ANK2: variants seen among roughly 807,000 people sequenced by gnomAD.
ANK2 encodes the protein ankyrin 2.
ANK2 carries 83 observed loss-of-function variants against 360.5 expected under a neutral mutation model. That is an observed-to-expected ratio of 0.23 (90% CI 0.19 to 0.28). The LOEUF is 0.28. Ranked by LOEUF, ANK2 falls within the 10% of genes least tolerant of loss-of-function variation. ANK2 has a pLI of 1.00. For missense variants in ANK2, 4,201 were observed against 4,795.7 expected (o/e 0.88, Z 3.66); for synonymous variants, 1,740 against 1,759.5 (o/e 0.99, Z 0.28).
intron 1 of ANK2, among the ~76,000 whole-genome samples, chr4:112,856,226 C>T (rs558035867): frequency 6.6e-6 from 1 of 152,242 alleles, no homozygotes; most frequent in South Asian, 2.1e-4. Context: ...CGTGAAAGTA[C>T]AGCAATTTAT....
In ANK2 at chr4:113,358,162, C is replaced by T. The variant is rs149382018; in HGVS notation, c.9544C>T (p.Leu3182Phe). The T allele has an allele frequency of 1.2e-6, 2 of 1,613,942 alleles. No individual in the cohort carries two copies. The highest frequency in any genetic ancestry group is 1.7e-6 in the Non-Finnish European group (2 of 1,179,960). Residue 3182 changes from leucine (L) to phenylalanine (F), a missense_variant, in exon 38 of 46, where the codon CTT (leucine) becomes TTT (phenylalanine). Physicochemically the swap from Leu to Phe is conservative, Grantham distance 22. Coordinates refer to ENST00000357077, the MANE Select transcript of ANK2 (RefSeq NM_001148.6). Reference protein sequence around the residue: ...KETVDDEADLLPDDVSEEVEE... With the variant: ...KETVDDEADLFPDDVSEEVEE... ...AACAGTGGATGATGAGGCAGACTTACTTCCAGATGACGTGAGTGAGGAAGT... is the reference window on the plus strand; with the variant it reads ...AACAGTGGATGATGAGGCAGACTTATTTCCAGATGACGTGAGTGAGGAAGT...
chr4:112,760,373 A>G, the ANK2 span, among the ~76,000 whole-genome samples: 3 of 151,560 alleles, frequency 2.0e-5, no homozygotes, highest in Non-Finnish European at 2.9e-5. Context: ...ATTTTTAGTA[A>G]AGACAGGGTT....
intron 23 of ANK2, among the ~76,000 whole-genome samples, chr4:113,308,725 G>A (rs1393738850): frequency 6.6e-6 from 1 of 152,188 alleles, no homozygotes; most frequent in Admixed American, 6.5e-5. Context: ...GTGAAATAAA[G>A]AAGGTCTAAG....
At chr4:112,819,470 G>A (rs1424337962) in intron 1 of ANK2, among the ~76,000 whole-genome samples, 4 of 152,138 alleles carry the variant, frequency 2.6e-5, no homozygotes, top group Admixed American at 6.5e-5. Flanking sequence ...AAACTTTTGG[G>A]TGAGAAAGAT....
At chr4:112,939,972 T>C (rs1014320611) in intron 2 of ANK2, among the ~76,000 whole-genome samples, 1 of 152,260 alleles carries the variant, frequency 6.6e-6, no homozygotes, top group Non-Finnish European at 1.5e-5. Flanking sequence ...TACCATTTGG[T>C]ATCCCTTTGA....
chr4:113,274,302 A>G, intron 14 of ANK2, 150 bp from the exon 15 acceptor site: 1 of 892,150 alleles, frequency 1.1e-6, no homozygotes, highest in Admixed American at 2.0e-5. Context: ...AGCAAAATAT[A>G]AAATATGCCA....
At chr4:112,939,426 C>T (rs1208234942) in intron 2 of ANK2, among the ~76,000 whole-genome samples, 3 of 152,262 alleles carry the variant, frequency 2.0e-5, no homozygotes, top group Non-Finnish European at 4.4e-5. Context: ...TCTCCTGTCT[C>T]AGCCTCCCAA....
At chr4:113,075,587 T>G (rs138117020) in intron 1 of ANK2, among the ~76,000 whole-genome samples, 193 of 152,304 alleles carry the variant, frequency 1.3e-3, no homozygotes, top group African/African-American at 4.5e-3. Context: ...GGGAAACTCA[T>G]AGATTCCAGA....
intron 45 of ANK2, among the ~76,000 whole-genome samples, chr4:113,380,215 T>C (rs1444830859): frequency 6.6e-6 from 1 of 152,122 alleles, no homozygotes; most frequent in Non-Finnish European, 1.5e-5. Flanking sequence ...CCATTTTTTA[T>C]TCCTTTGCTT....
intron 25 of ANK2, 72 bp from the exon 26 acceptor site, chr4:113,318,445 T>G (rs185455744): frequency 2.6e-5 from 33 of 1,248,946 alleles, no homozygotes; most frequent in Non-Finnish European, 3.6e-5. Flanking sequence ...GATGACACTT[T>G]TTATATTTTG....
intron 45 of ANK2, among the ~76,000 whole-genome samples, chr4:113,373,967 C>T (rs528942162): frequency 6.6e-6 from 1 of 152,318 alleles, no homozygotes; most frequent in Non-Finnish European, 1.5e-5. Flanking sequence ...CTCTGTCACC[C>T]AGGCTGGAGA....
chr4:113,294,130 A>G (rs752943105), intron 22 of ANK2, among the ~76,000 whole-genome samples: 4 of 152,258 alleles, frequency 2.6e-5, no homozygotes, highest in African/African-American at 4.8e-5. Context: ...TGTTTTGAAT[A>G]CAACTGCTGA....
rs189033713 is a variant in ANK2, at chr4:112,978,268, C to T, written c.21+73754C>T. On this transcript the variant is annotated intron_variant, in intron 2 of 30. Coordinates refer to the ANK2 transcript ENST00000503271. ...CAAGAAAAAAAAAAAAGTTTGTTTTCTGTTAGTTTCATCTAAAAATTTCTC... is the reference window on the plus strand; with the variant it reads ...CAAGAAAAAAAAAAAAGTTTGTTTTTTGTTAGTTTCATCTAAAAATTTCTC... Among the ~76,000 whole-genome samples, 1,351 of 152,092 alleles carry T rather than the reference C, an allele frequency of 8.9e-3. 23 individuals carry two copies. The highest frequency in any genetic ancestry group is 0.031 in the African/African-American group (1,293 of 41,520).
chr4:112,764,933 T>A, the ANK2 span, among the ~76,000 whole-genome samples: 1 of 152,030 alleles, frequency 6.6e-6, no homozygotes, highest in Non-Finnish European at 1.5e-5. Flanking sequence ...CTTGAACTCC[T>A]GACCTCAGGT....
At position 113,355,412 on chromosome 4, in the gene ANK2, C is replaced by G; in HGVS notation, c.6794C>G (p.Thr2265Ser). The change falls in exon 38 of 46, where the codon ACC becomes AGC. Residue 2265 changes from threonine to serine, a missense_variant. This residue lies in a region of ANK2 where 2,642 missense variants were observed against 2,714.5 expected (regional missense o/e 0.97). Coordinates refer to ENST00000357077, the MANE Select transcript of ANK2 (RefSeq NM_001148.6). Reference sequence around the variant, plus strand: ...CAAACTGGGGAAACAAAGGAAAGCACCAAGACAGAAACCACCACAGAAATT... The same window carrying G: ...CAAACTGGGGAAACAAAGGAAAGCAGCAAGACAGAAACCACCACAGAAATT... ...EEQTGETKES[T>S]KTETTTEIRS... 6.2e-7 allele frequency: 1 copy of G among 1,613,908 alleles called. No homozygotes were observed. The highest frequency in any genetic ancestry group is 8.5e-7 in the Non-Finnish European group (1 of 1,179,966).
chr4:113,337,314 T>C (rs1293343073), intron 31 of ANK2, among the ~76,000 whole-genome samples: 2 of 152,238 alleles, frequency 1.3e-5, no homozygotes, highest in African/African-American at 4.8e-5. Context: ...CTTAAAGGTT[T>C]TCAGTGATTA....
At chr4:112,873,710 T>C (rs946127137) in intron 1 of ANK2, among the ~76,000 whole-genome samples, 29 of 151,484 alleles carry the variant, frequency 1.9e-4, no homozygotes, top group Non-Finnish European at 3.7e-4. Flanking sequence ...CTATTTTTTT[T>C]TTTTTTTGTA....
chr4:112,731,420 T>C, the ANK2 span, among the ~76,000 whole-genome samples: 1 of 152,024 alleles, frequency 6.6e-6, no homozygotes. Flanking sequence ...TGTACACTTT[T>C]TTCCATTAAA....
chr4:113,367,531 G>C (rs368663643), intron 41 of ANK2, 35 bp from the exon 42 acceptor site: 71 of 1,604,834 alleles, frequency 4.4e-5, no homozygotes, highest in Non-Finnish European at 5.9e-5. Flanking sequence ...ATATAGGTAA[G>C]CTTCAACTAA....
Sources: allele counts gnomAD v4.1 joint callset (sites outside exome capture counted in the v4.1 genomes callset), GRCh38; gene constraint gnomAD v4.1.1; regional missense constraint gnomAD v4.1.1; transcripts MANE v1.5; gene names NCBI Gene and HGNC (gene_info 2026-07-23, HGNC 2026-07-21).